Variants in SINHCAF observed in about 807,000 individuals in gnomAD.
SINHCAF encodes SIN3-HDAC complex-associated factor.
A neutral mutation model predicts 25.8 loss-of-function variants in SINHCAF; 3 were observed. That is an observed-to-expected ratio of 0.12 (90% confidence interval 0.05 to 0.30). SINHCAF has a LOEUF of 0.30. SINHCAF is among the 10% of genes least tolerant of loss of function. The pLI, the probability that SINHCAF is intolerant of heterozygous loss-of-function variation, is 1.00. For synonymous variants in SINHCAF, 70 were observed against 85.5 expected, an observed-to-expected ratio of 0.82 and a Z score of 1.00; for missense variants, 121 against 262.3, an observed-to-expected ratio of 0.46 and a Z score of 3.72.
intron 4 of SINHCAF, among the ~76,000 whole-genome samples, chr12:31,291,270 C>T (rs1350290565): frequency 6.6e-6 from 1 of 152,190 alleles, no homozygotes; most frequent in Admixed American, 6.5e-5. Context: ...AAAAGAATAG[C>T]TAACATTTAT....
At chr12:31,298,341 G>T in intron 1 of SINHCAF, 117 bp from the exon 2 acceptor site, 1 of 1,196,132 alleles carries the variant, frequency 8.4e-7, no homozygotes, top group Non-Finnish European at 1.2e-6. Flanking sequence ...ACCAAGACAG[G>T]CAGGCAGCTC....
intron 1 of SINHCAF, among the ~76,000 whole-genome samples, chr12:31,300,214 G>A (rs1319470204): frequency 6.6e-6 from 1 of 152,062 alleles, no homozygotes; most frequent in Non-Finnish European, 1.5e-5. Context: ...TATAGACAGA[G>A]GTTTTACAAC....
intron 1 of SINHCAF, among the ~76,000 whole-genome samples, chr12:31,322,913 G>T (rs537881280): frequency 1.7e-4 from 26 of 152,202 alleles, no homozygotes; most frequent in Non-Finnish European, 3.1e-4. Flanking sequence ...CATAATTTTT[G>T]AGCTATGCCT....
intron 4 of SINHCAF, among the ~76,000 whole-genome samples, chr12:31,291,858 A>G (rs932559425): frequency 6.6e-6 from 1 of 152,190 alleles, no homozygotes; most frequent in Non-Finnish European, 1.5e-5. Context: ...CCAGAAGCAC[A>G]GACCATTTAG....
chr12:31,307,432 G>A (rs567191206), intron 1 of SINHCAF, among the ~76,000 whole-genome samples: 8 of 152,098 alleles, frequency 5.3e-5, no homozygotes, highest in Non-Finnish European at 7.4e-5. Flanking sequence ...GTGCAAGCCT[G>A]TAGTCCCAGC....
At chr12:31,285,281 C>T (rs548845894) in intron 5 of SINHCAF, among the ~76,000 whole-genome samples, 6 of 151,722 alleles carry the variant, frequency 4.0e-5, no homozygotes, top group African/African-American at 7.3e-5. Flanking sequence ...CCAGCTACTC[C>T]GGAGGCTGAG....
intron 1 of SINHCAF, among the ~76,000 whole-genome samples, chr12:31,307,169 A>C (rs919324165): frequency 6.6e-6 from 1 of 152,208 alleles, no homozygotes. Flanking sequence ...TTCATATTTC[A>C]GTATTTGGGA....
chr12:31,293,247 C>A (rs1284399509), intron 4 of SINHCAF, among the ~76,000 whole-genome samples: 1 of 152,116 alleles, frequency 6.6e-6, no homozygotes, highest in African/African-American at 2.4e-5. Flanking sequence ...ACAGATGTGC[C>A]ATTACAGCAA....
intron 1 of SINHCAF, among the ~76,000 whole-genome samples, chr12:31,318,728 CTG>C (rs1198098192): frequency 6.7e-6 from 1 of 149,542 alleles, no homozygotes; most frequent in Admixed American, 6.6e-5. Flanking sequence ...AAAAAAAAAA[CTG>C]AAAGTGTCAG....
chr12:31,318,969 T>C (rs1939601414), intron 1 of SINHCAF, among the ~76,000 whole-genome samples: 1 of 152,216 alleles, frequency 6.6e-6, no homozygotes, highest in Non-Finnish European at 1.5e-5. Context: ...TATCCCAAGA[T>C]ATATACAACA....
intron 4 of SINHCAF, among the ~76,000 whole-genome samples, chr12:31,290,879 C>T (rs1169287847): frequency 1.3e-5 from 2 of 152,110 alleles, no homozygotes; most frequent in African/African-American, 4.8e-5. Flanking sequence ...ACCACCACGC[C>T]CAGCTAATAT....
chr12:31,285,378 T>A (rs1937998925), intron 5 of SINHCAF, among the ~76,000 whole-genome samples: 1 of 140,284 alleles, frequency 7.1e-6, no homozygotes, highest in Admixed American at 7.0e-5. Context: ...ACAGAGTGAG[T>A]CTCTCTCTCT....
At chr12:31,292,060 A>C (rs965118906) in intron 4 of SINHCAF, among the ~76,000 whole-genome samples, 1 of 152,262 alleles carries the variant, frequency 6.6e-6, no homozygotes, top group Non-Finnish European at 1.5e-5. Flanking sequence ...ATCTAAAATT[A>C]CACTGAATAT....
chr12:31,288,008 A>G (rs1486458558), intron 4 of SINHCAF, among the ~76,000 whole-genome samples: 1 of 152,194 alleles, frequency 6.6e-6, no homozygotes, highest in African/African-American at 2.4e-5. Context: ...CTGCTTATAC[A>G]ACTAAAATCC....
At position 31,282,921 on chromosome 12, in the gene SINHCAF, G is replaced by A. The variant is rs144049354; in HGVS notation, c.507-50C>T. On this transcript the variant is annotated intron_variant, in intron 5 of 5. Transcript: ENST00000337682. ...ATACATTAATAAGGAAGAAAAATAG[G>A]AATACAAAAGAAATCTACTCACTAT... The A allele has an allele frequency of 1.1e-3, 1,571 of 1,389,670 alleles. 20 individuals are homozygous for A. In the African/African-American group the frequency reaches 0.021, roughly 18 times the overall value. The allele number at this position is 1,389,670 out of a possible 1,614,324, so 86.1% of individuals were successfully genotyped here.
intron 5 of SINHCAF, among the ~76,000 whole-genome samples, chr12:31,283,522 G>A (rs1937895145): frequency 1.3e-5 from 2 of 152,000 alleles, no homozygotes; most frequent in African/African-American, 4.8e-5. Context: ...AGAATCACTT[G>A]AACCCAGGAA....
intron 1 of SINHCAF, among the ~76,000 whole-genome samples, chr12:31,299,251 G>A (rs978201020): frequency 5.3e-5 from 8 of 152,166 alleles, no homozygotes; most frequent in African/African-American, 1.9e-4. Context: ...CAGAGGATGT[G>A]TGTATGTATG....
At chr12:31,297,512 C>T (rs1299541567) in intron 2 of SINHCAF, among the ~76,000 whole-genome samples, 2 of 124,310 alleles carry the variant, frequency 1.6e-5, no homozygotes, top group Non-Finnish European at 3.2e-5. Flanking sequence ...CTCATTCTGT[C>T]GCCAGGCTGG....
intron 4 of SINHCAF, among the ~76,000 whole-genome samples, chr12:31,291,456 C>T (rs1170741660): frequency 2.0e-5 from 3 of 152,140 alleles, no homozygotes; most frequent in Non-Finnish European, 4.4e-5. Context: ...CAGTACACCA[C>T]AAAATGTCTT....
Sources: allele counts gnomAD v4.1 joint callset (sites outside exome capture counted in the v4.1 genomes callset), GRCh38; gene constraint gnomAD v4.1.1; transcripts MANE v1.5; gene names NCBI Gene and HGNC (gene_info 2026-07-23, HGNC 2026-07-21).